SLC38A8: variants seen among roughly 807,000 people sequenced by gnomAD.
The protein encoded by SLC38A8 is solute carrier family 38 member 8.
A neutral mutation model predicts 46.0 loss-of-function variants in SLC38A8; 65 were observed. That is an observed-to-expected ratio of 1.41 (90% CI 1.16 to 1.74). The LOEUF (loss-of-function observed/expected upper bound fraction) is 1.74, where lower values mean the gene tolerates loss of function less well. Ranked by LOEUF, SLC38A8 falls within the 40% of genes most tolerant of loss-of-function variation. The probability of loss-of-function intolerance (pLI) is 0.00; values close to 1 mark genes in which losing one functional copy is unlikely to be tolerated. For synonymous variants in SLC38A8, 447 were observed against 243.7 expected, an observed-to-expected ratio of 1.83 and a Z score of -7.77; for missense variants, 998 against 567.9, an observed-to-expected ratio of 1.76 and a Z score of -7.70.
intron 5 of SLC38A8, among the ~76,000 whole-genome samples, chr16:84,030,549 G>A (rs1028490000): frequency 2.0e-5 from 3 of 152,000 alleles, no homozygotes; most frequent in African/African-American, 7.3e-5. Flanking sequence ...CTCCAGGTCG[G>A]CTCTACCTTG....
chr16:84,042,467 A>G (rs1386887958), intron 1 of SLC38A8, 84 bp downstream of exon 1: 2 of 237,250 alleles, frequency 8.4e-6, no homozygotes, highest in Admixed American at 5.2e-5. Context: ...ATCCCCATCA[A>G]TCCTCTCTCC....
chr16:84,038,706 C>T (rs1031774763), intron 2 of SLC38A8, among the ~76,000 whole-genome samples: 7 of 152,226 alleles, frequency 4.6e-5, no homozygotes, highest in African/African-American at 1.4e-4. Flanking sequence ...CCGGACGGTG[C>T]CACGAGTCCC....
chr16:84,034,816 C>G lies in SLC38A8; in HGVS notation c.389-1347G>C, dbSNP rs188498052. Among the ~76,000 whole-genome samples the G allele has an allele frequency of 3.4e-3, 514 of 152,082 alleles. 2 individuals are homozygous for G. Among genetic ancestry groups the G allele is most frequent in the South Asian group, 0.023 (110 of 4,804 alleles). ...GACCTCCAGGTGGCGTGGGATGGGG[C>G]AGGCCCTTTGTCTGCATCTGGACCT... On this transcript the variant is annotated intron_variant, in intron 3 of 10. Coordinates refer to ENST00000299709, the MANE Select transcript of SLC38A8 (RefSeq NM_001080442.3).
rs116491295 is a variant in SLC38A8, at chr16:84,020,020, C to T, written c.806-2733G>A. The stretch of plus-strand genomic sequence containing the variant: ...GAAGTTCTCGCAGGCAGGTGTTGCA[C>T]GTTGCTGGTAACTTCGCAGTTTGTA... On this transcript the variant is annotated intron_variant, in intron 7 of 10. Transcript: ENST00000299709. Among the ~76,000 whole-genome samples the T allele has an allele frequency of 5.4e-3, 818 of 152,382 alleles. 10 individuals are homozygous for T. The highest frequency in any genetic ancestry group is 0.019 in the African/African-American group (781 of 41,598).
At chr16:84,018,615 C>T (rs2085059666) in intron 7 of SLC38A8, among the ~76,000 whole-genome samples, 1 of 152,138 alleles carries the variant, frequency 6.6e-6, no homozygotes, top group Non-Finnish European at 1.5e-5. Context: ...CCCATGCCTG[C>T]CTCTTATGTG....
chr16:84,013,047 A>C lies in SLC38A8; in HGVS notation c.1168T>G (p.Cys390Gly). ...SFFIFIFPGL[C>G]LICAMGVEPI... ...TCGACACCCATTGCACAGATGAGGC[A>C]CAAACCTGCAAAAAAGACAGGGTCA... Residue 390 changes from cysteine (C) to glycine (G), a missense_variant, in exon 10 of 11, where the codon TGC becomes GGC. Transcript: ENST00000299709. 6.2e-7 allele frequency: 1 copy of C among 1,614,148 alleles called. No individual in the cohort carries two copies.
In SLC38A8 at chr16:84,033,485, G is replaced by A. The variant is rs756044270; in HGVS notation, c.389-16C>T. The A allele has an allele frequency of 4.4e-6, 7 of 1,583,158 alleles. No individual in the cohort carries two copies. Among genetic ancestry groups the A allele is most frequent in the Admixed American group, 3.5e-5 (2 of 56,966 alleles). ...GAGTCACACACTGCCAGAGACACGG[G>A]GAGAGCTGAGCCACAGAGTACAAAT... On this transcript the variant is annotated splice_polypyrimidine_tract_variant and intron_variant, in intron 3 of 10. Coordinates refer to ENST00000299709, the MANE Select transcript of SLC38A8 (RefSeq NM_001080442.3).
At chr16:84,017,089 A>G (rs369999155) in intron 8 of SLC38A8, 51 bp downstream of exon 8, 12 of 1,606,140 alleles carry the variant, frequency 7.5e-6, no homozygotes, top group Non-Finnish European at 1.0e-5. Flanking sequence ...CAATCACAGC[A>G]CACATCAGCA....
At chr16:84,014,300 C>A (rs996749900) in intron 9 of SLC38A8, among the ~76,000 whole-genome samples, 6 of 148,228 alleles carry the variant, frequency 4.0e-5, no homozygotes, top group African/African-American at 1.5e-4. Context: ...TCGCCCACAG[C>A]CTGAATAAGG....
intron 6 of SLC38A8, among the ~76,000 whole-genome samples, chr16:84,023,255 G>A (rs2085116851): frequency 6.6e-6 from 1 of 152,018 alleles, no homozygotes; most frequent in Non-Finnish European, 1.5e-5. Context: ...ATGTTCAACT[G>A]AGGCTAGTTT....
At position 84,033,423 on chromosome 16, in the gene SLC38A8, C is replaced by T. The variant is rs752802453; in HGVS notation, c.435G>A (p.Trp145Ter). The T allele has an allele frequency of 1.2e-6, 2 of 1,612,840 alleles. No individual in the cohort carries two copies. The highest frequency in any genetic ancestry group is 1.1e-5 in the South Asian group (1 of 90,944). ...LSGTPPAPQP[W>*]YADQRFTLPL... Reference sequence around the variant, plus strand: ...GCAGGGTGAAGCGCTGGTCTGCGTACCACGGCTGCGGGGCGGGCGGGGTGC... The same window carrying T: ...GCAGGGTGAAGCGCTGGTCTGCGTATCACGGCTGCGGGGCGGGCGGGGTGC... The change falls in exon 4 of 11, where the codon TGG (tryptophan) becomes TGA (stop). Residue 145 changes from tryptophan (W) to a stop codon, truncating the protein, a stop_gained. Transcript: ENST00000299709. LOFTEE classifies it high-confidence loss of function.
intron 2 of SLC38A8, 71 bp from the exon 3 acceptor site, chr16:84,036,971 C>A: frequency 7.0e-7 from 1 of 1,436,930 alleles, no homozygotes; most frequent in Non-Finnish European, 9.5e-7. Context: ...AGCCACCCCT[C>A]GGGCACACTC....
At chr16:84,022,727 C>T (rs762769375) in intron 7 of SLC38A8, 48 bp downstream of exon 7, 2 of 1,462,898 alleles carry the variant, frequency 1.4e-6, no homozygotes, top group African/African-American at 2.8e-5. Flanking sequence ...ACTCTTGTTT[C>T]TACTGTCACT....
Position 84,036,809 on chromosome 16 carries a change from C to A in SLC38A8, c.281G>T (p.Gly94Val), listed in dbSNP as rs770121876. The A allele has an allele frequency of 6.2e-7, 1 of 1,614,100 alleles. No individual in the cohort carries two copies. Among genetic ancestry groups the A allele is most frequent in the Non-Finnish European group, 8.5e-7 (1 of 1,180,022 alleles). ...GQATYQGVVRGLCGPAIGKLC... is the reference protein window; with the variant it reads ...GQATYQGVVRVLCGPAIGKLC... Reference sequence around the variant, plus strand: ...CTTCCCAATGGCAGGGCCACACAGCCCCCTGACCACACCCTGGTAGGTGGC... The same window carrying A: ...CTTCCCAATGGCAGGGCCACACAGCACCCTGACCACACCCTGGTAGGTGGC... Residue 94 changes from glycine (G) to valine (V), a missense_variant, in exon 3 of 11, where the codon GGG becomes GTG. Coordinates refer to ENST00000299709, the MANE Select transcript of SLC38A8 (RefSeq NM_001080442.3).
chr16:84,016,880 C>A, intron 8 of SLC38A8, 153 bp from the exon 9 acceptor site: 1 of 1,040,990 alleles, frequency 9.6e-7, no homozygotes, highest in Non-Finnish European at 1.4e-6. Context: ...CTTGCCAACC[C>A]TCAGGGGTTC....
intron 9 of SLC38A8, 112 bp downstream of exon 9, chr16:84,016,407 A>G: frequency 8.0e-7 from 1 of 1,257,226 alleles, no homozygotes; most frequent in Non-Finnish European, 1.1e-6. Context: ...TCTTAATCCT[A>G]CCCATATGTG....
chr16:84,011,040 T>A (rs2084946847), intron 10 of SLC38A8, among the ~76,000 whole-genome samples: 1 of 152,068 alleles, frequency 6.6e-6, no homozygotes, highest in South Asian at 2.1e-4. Context: ...ACCAGAGATA[T>A]TTGTGGCCCC....
intron 3 of SLC38A8, among the ~76,000 whole-genome samples, chr16:84,036,334 G>C (rs1316387393): frequency 2.6e-5 from 4 of 152,260 alleles, no homozygotes; most frequent in Admixed American, 6.5e-5. Context: ...GGGAACTCGA[G>C]GCCAAGGTTG....
chr16:84,029,346 C>G, intron 6 of SLC38A8, 148 bp downstream of exon 6: 1 of 731,358 alleles, frequency 1.4e-6, no homozygotes, highest in Non-Finnish European at 2.2e-6. Flanking sequence ...AGCCTGGGAA[C>G]CACAGGTGGG....
Sources: gnomAD v4.1 joint callset for allele counts (sites outside exome capture counted in the v4.1 genomes callset) on GRCh38, gnomAD v4.1.1 for gene constraint, MANE v1.5 for transcripts, NCBI Gene and HGNC (gene_info 2026-07-23, HGNC 2026-07-21) for gene names.